The following MRPS18B variants were observed in gnomAD, a reference collection of about 807,000 sequenced individuals.
MRPS18B encodes the protein small ribosomal subunit protein mS40.
A neutral mutation model predicts 28.4 loss-of-function variants in MRPS18B; 27 were observed. The ratio of observed to expected loss-of-function variants is 0.95; its 90% confidence interval spans 0.70 to 1.31. MRPS18B has a LOEUF of 1.31. Ranked by LOEUF, MRPS18B falls within the 40% of genes most tolerant of loss-of-function variation. The pLI, the probability that MRPS18B is intolerant of heterozygous loss-of-function variation, is 0.00. For missense variants in MRPS18B, 343 were observed against 335.9 expected, an observed-to-expected ratio of 1.02 and a Z score of -0.17; for synonymous variants, 118 against 123.7, an observed-to-expected ratio of 0.95 and a Z score of 0.30.
chr6:30,618,769 TTG>T (rs1760925693), intron 1 of MRPS18B, among the ~76,000 whole-genome samples: 1 of 152,188 alleles, frequency 6.6e-6, no homozygotes, highest in South Asian at 2.1e-4. Context: ...AGTGACTTCA[TTG>T]GATTGATTTG....
chr6:30,618,094 C>T (rs1449006954), intron 1 of MRPS18B, 151 bp downstream of exon 1: 3 of 773,628 alleles, frequency 3.9e-6, no homozygotes, highest in South Asian at 1.6e-5. Context: ...CCCCACACCC[C>T]GCGCATTTTC....
At chr6:30,623,043 G>A (rs1236878859) in intron 5 of MRPS18B, 145 bp downstream of exon 5, 2 of 782,818 alleles carry the variant, frequency 2.6e-6, no homozygotes, top group African/African-American at 3.5e-5. Context: ...TGGCTTGCTG[G>A]GGGCTAAAGT....
chr6:30,623,171 C>A (rs1031005357), intron 5 of MRPS18B, among the ~76,000 whole-genome samples: 1 of 152,098 alleles, frequency 6.6e-6, no homozygotes, highest in East Asian at 1.9e-4. Context: ...GAGTTCGAGA[C>A]CAGCCTGACC....
chr6:30,617,937 A>G lies in MRPS18B; in HGVS notation c.72A>G (p.Arg24=), dbSNP rs759960407. The change falls in exon 1 of 7, where the codon AGA becomes AGG. Residue 24 remains arginine (R), a synonymous_variant. Coordinates refer to ENST00000259873, the MANE Select transcript of MRPS18B (RefSeq NM_014046.4). ...TATCTCTCTTCCGAGGTTCTCACAG[A>G]GTTCAGGTAACTCTTCGAAAGACAT... ...PMLSLFRGSH[R]VQVPLQTLCT... The G allele has an allele frequency of 1.2e-6, 2 of 1,614,196 alleles. No individual in the cohort carries two copies. The highest frequency in any genetic ancestry group is 1.1e-5 in the South Asian group (1 of 91,086).
intron 5 of MRPS18B, 83 bp from the exon 6 acceptor site, chr6:30,624,799 AT>A: frequency 6.7e-7 from 1 of 1,497,536 alleles, no homozygotes; most frequent in Admixed American, 1.8e-5. Context: ...ATCCTTCCCA[AT>A]CTACCCCTCT....
rs1241624332 is a variant in MRPS18B, at chr6:30,624,442, A to G, written c.422-441A>G. Among the ~76,000 whole-genome samples the G allele has an allele frequency of 2.6e-5, 4 of 152,254 alleles. No individual in the cohort carries two copies. In the East Asian group the frequency reaches 7.7e-4, roughly 29 times the overall value. On this transcript the variant is annotated intron_variant, in intron 5 of 6. Transcript: ENST00000259873. ...CACCATTGTTGGGGGTGGCAGTACA[A>G]TCAGTGTTCAGTTTGTCAAGAGTTT...
intron 6 of MRPS18B, 92 bp downstream of exon 6, chr6:30,625,034 C>T: frequency 1.4e-6 from 2 of 1,380,576 alleles, no homozygotes; most frequent in Non-Finnish European, 1.0e-6. Context: ...CACACCTGTT[C>T]AAGATGGTAG....
intron 1 of MRPS18B, 99 bp downstream of exon 1, chr6:30,618,042 CGT>C (rs987863233): frequency 2.3e-6 from 3 of 1,285,356 alleles, no homozygotes; most frequent in East Asian, 2.4e-5. Context: ...GACCTTCCCA[CGT>C]GTGTCTTAGC....
chr6:30,622,892 T>A lies in MRPS18B; in HGVS notation c.415T>A (p.Tyr139Asn), dbSNP rs748985691. ...AHTGIIFYAP[Y>N]TGVCVKQHKR... The stretch of plus-strand genomic sequence containing the variant: ...CACGGGTATCATCTTCTATGCTCCA[T>A]ACACAGGTTAGCCCATCATCCCTGC... Residue 139 changes from tyrosine to asparagine, a missense_variant, in exon 5 of 7, where the codon TAC becomes AAC. Transcript: ENST00000259873. 5 of 1,613,050 alleles carry A rather than the reference T, an allele frequency of 3.1e-6. No homozygotes were observed. Among genetic ancestry groups the A allele is most frequent in the Non-Finnish European group, 4.2e-6 (5 of 1,179,974 alleles).
chr6:30,625,863 A>G lies in MRPS18B; in HGVS notation c.*66A>G, dbSNP rs928767818. ...CTCCTGTAATCCCAGCACTTTGGGAAGCCAAGGTGGGCTGATCACTTGATC... is the reference window on the plus strand; with the variant it reads ...CTCCTGTAATCCCAGCACTTTGGGAGGCCAAGGTGGGCTGATCACTTGATC... On this transcript the variant is annotated 3_prime_UTR_variant, in exon 7 of 7. Transcript: ENST00000259873. The G allele has an allele frequency of 3.2e-5, 48 of 1,497,864 alleles. No homozygotes were observed. Among genetic ancestry groups the G allele is most frequent in the Non-Finnish European group, 3.9e-5 (43 of 1,102,046 alleles). 92.8% of individuals were successfully genotyped at this position (1,497,864 alleles called of 1,614,324 possible).
chr6:30,626,084 T>C lies in MRPS18B; in HGVS notation c.*287T>C. 2.8e-6 allele frequency: 1 copy of C among 360,050 alleles called. No individual in the cohort carries two copies. The highest frequency in any genetic ancestry group is 4.9e-6 in the Non-Finnish European group (1 of 204,226). 22.3% of individuals were successfully genotyped at this position (360,050 alleles called of 1,614,324 possible). On this transcript the variant is annotated 3_prime_UTR_variant, in exon 7 of 7. Coordinates refer to ENST00000259873, the MANE Select transcript of MRPS18B (RefSeq NM_014046.4). ...CCTGCACTCCAGCCTGGGTGACAGC[T>C]AGACCCTGTCTCAAAAAAAAAAAAA...
chr6:30,619,700 T>A lies in MRPS18B; in HGVS notation c.188-9T>A. On this transcript the variant is annotated splice_polypyrimidine_tract_variant and intron_variant, in intron 2 of 6. Coordinates refer to ENST00000259873, the MANE Select transcript of MRPS18B (RefSeq NM_014046.4). Reference sequence around the variant, plus strand: ...ACCCAGGAATAACTTGTATGATCTTTCATTTCAGAATACCAGGAGCGATAT... The same window carrying A: ...ACCCAGGAATAACTTGTATGATCTTACATTTCAGAATACCAGGAGCGATAT... 4 of 1,613,666 alleles carry A rather than the reference T, an allele frequency of 2.5e-6. No homozygotes were observed. The highest frequency in any genetic ancestry group is 3.4e-6 in the Non-Finnish European group (4 of 1,179,938).
chr6:30,620,950 C>A (rs1044820948), intron 4 of MRPS18B, among the ~76,000 whole-genome samples: 2 of 152,182 alleles, frequency 1.3e-5, no homozygotes, highest in African/African-American at 4.8e-5. Context: ...ATATATTGGC[C>A]CACTTTCTTC....
In MRPS18B at chr6:30,624,949, A is replaced by AT; in HGVS notation, c.481+8dup. 1 of 1,612,996 alleles carries AT rather than the reference A, an allele frequency of 6.2e-7. No homozygotes were observed. Among genetic ancestry groups the AT allele is most frequent in the Non-Finnish European group, 8.5e-7 (1 of 1,179,938 alleles). On this transcript the variant is annotated splice_region_variant and intron_variant, in intron 6 of 6. Transcript: ENST00000259873. ...CAGAAAGCCAGGGATCATGGTGAGC[A>AT]TGAGACGGGGCACACAGCAGTTTTG... is the stretch of plus-strand genomic sequence containing the variant.
chr6:30,625,614 C>T lies in MRPS18B; in HGVS notation c.594C>T (p.Pro198=). The T allele has an allele frequency of 1.2e-6, 2 of 1,613,086 alleles. No individual in the cohort carries two copies. The highest frequency in any genetic ancestry group is 1.7e-6 in the Non-Finnish European group (2 of 1,180,024). ...CCCCCACCCTGGTCTCAGGTGACCC[C>T]TGGTACCCATGGTACAACTGGAAAC... ...PPAPTLVSGD[P]WYPWYNWKQP... Residue 198 remains proline, a synonymous_variant, in exon 7 of 7, where the codon CCC becomes CCT. Transcript: ENST00000259873.
chr6:30,619,520 G>T lies in MRPS18B; in HGVS notation c.106G>T (p.Ala36Ser), dbSNP rs1245872813. The change falls in exon 2 of 7, where the codon GCT becomes TCT. Residue 36 changes from alanine to serine, a missense_variant. Coordinates refer to ENST00000259873, the MANE Select transcript of MRPS18B (RefSeq NM_014046.4). ...TCCCCTCCAGACTCTTTGCACCAAA[G>T]CTCCCTCTGAGGAAGATTCTTTGTC... ...QVPLQTLCTK[A>S]PSEEDSLSSV... is the part of the protein sequence containing the mutation. 9 of 1,612,868 alleles carry T rather than the reference G, an allele frequency of 5.6e-6. No homozygotes were observed. The highest frequency in any genetic ancestry group is 7.6e-6 in the Non-Finnish European group (9 of 1,179,958).
chr6:30,624,385 C>T (rs544581658), intron 5 of MRPS18B, among the ~76,000 whole-genome samples: 5 of 152,088 alleles, frequency 3.3e-5, no homozygotes, highest in Non-Finnish European at 7.4e-5. Context: ...CATGAGCCAC[C>T]GTGCCTGGCC....
intron 6 of MRPS18B, 125 bp from the exon 7 acceptor site, chr6:30,625,377 A>G (rs1761461490): frequency 1.0e-6 from 1 of 988,296 alleles, no homozygotes; most frequent in South Asian, 1.6e-5. Flanking sequence ...TGTTTGCAGT[A>G]TACAACATGC....
intron 1 of MRPS18B, among the ~76,000 whole-genome samples, chr6:30,619,037 C>T (rs1760953594): frequency 6.6e-6 from 1 of 152,170 alleles, no homozygotes; most frequent in African/African-American, 2.4e-5. Flanking sequence ...CTTGCCTCAG[C>T]CTCCCGAGTA....
Sources: allele counts gnomAD v4.1 joint callset (sites outside exome capture counted in the v4.1 genomes callset), GRCh38; gene constraint gnomAD v4.1.1; transcripts MANE v1.5; gene names NCBI Gene and HGNC (gene_info 2026-07-23, HGNC 2026-07-21).